CIMIP6: variants seen among roughly 807,000 people sequenced by gnomAD.
CIMIP6 encodes ciliary microtubule inner protein 6.
chr2:54,373,980 C>T, the CIMIP6 span, among the ~76,000 whole-genome samples: 4 of 152,254 alleles, frequency 2.6e-5, no homozygotes, highest in Non-Finnish European at 4.4e-5. Context: ...TAAGTCTCCA[C>T]ATCAAGTCCC....
At chr2:54,377,111 G>C in the CIMIP6 span, among the ~76,000 whole-genome samples, 1 of 152,168 alleles carries the variant, frequency 6.6e-6, no homozygotes, top group Admixed American at 6.6e-5. Flanking sequence ...CTTGTGGACT[G>C]TTTATTCCCT....
At chr2:54,337,695 G>C in the CIMIP6 span, among the ~76,000 whole-genome samples, 1 of 152,162 alleles carries the variant, frequency 6.6e-6, no homozygotes, top group Non-Finnish European at 1.5e-5. Context: ...AATGAACAAA[G>C]GTGTTAAGAG....
At chr2:54,338,078 A>G in the CIMIP6 span, among the ~76,000 whole-genome samples, 2 of 152,018 alleles carry the variant, frequency 1.3e-5, no homozygotes, top group East Asian at 1.9e-4. Flanking sequence ...TCAAGGCTGC[A>G]GTGAGCTATG....
the CIMIP6 span, chr2:54,343,714 A>C: frequency 1.3e-6 from 2 of 1,576,556 alleles, no homozygotes; most frequent in Admixed American, 1.9e-5. Flanking sequence ...ATTATTTTCT[A>C]TAAAGGGTGA....
At chr2:54,353,686 G>T in the CIMIP6 span, among the ~76,000 whole-genome samples, 1 of 152,088 alleles carries the variant, frequency 6.6e-6, no homozygotes. Flanking sequence ...TGATTTTGAT[G>T]ACTTTTGCCA....
chr2:54,366,053 A>C, the CIMIP6 span, among the ~76,000 whole-genome samples: 1 of 152,196 alleles, frequency 6.6e-6, no homozygotes, highest in Admixed American at 6.5e-5. Context: ...GTTTCCCAAT[A>C]GCCAGTCATT....
At chr2:54,343,678 C>T in the CIMIP6 span, 1 of 1,473,078 alleles carries the variant, frequency 6.8e-7, no homozygotes, top group East Asian at 2.3e-5. Flanking sequence ...TGAAAATGCC[C>T]TACAGTATCC....
the CIMIP6 span, among the ~76,000 whole-genome samples, chr2:54,370,383 T>C: frequency 6.6e-6 from 1 of 152,132 alleles, no homozygotes; most frequent in African/African-American, 2.4e-5. Flanking sequence ...TATAAAATGT[T>C]ACTCATAAAA....
chr2:54,369,062 T>C, the CIMIP6 span, among the ~76,000 whole-genome samples: 1 of 152,118 alleles, frequency 6.6e-6, no homozygotes, highest in African/African-American at 2.4e-5. Context: ...ACTGCATGCA[T>C]CGTATGCACA....
the CIMIP6 span, among the ~76,000 whole-genome samples, chr2:54,380,697 T>C: frequency 6.6e-6 from 1 of 152,186 alleles, no homozygotes; most frequent in African/African-American, 2.4e-5. Context: ...CCTCCACACC[T>C]AGTTCCCACA....
the CIMIP6 span, among the ~76,000 whole-genome samples, chr2:54,357,258 ATTAG>A: frequency 6.6e-6 from 1 of 152,240 alleles, no homozygotes; most frequent in Admixed American, 6.5e-5. Flanking sequence ...TGCTAATAAA[ATTAG>A]TTTATAACAA....
the CIMIP6 span, among the ~76,000 whole-genome samples, chr2:54,339,057 G>A: frequency 1.8e-4 from 13 of 72,904 alleles, 2 homozygotes; most frequent in East Asian, 3.1e-3. Context: ...TTGGGAGGCT[G>A]AGGCAGGAGA....
the CIMIP6 span, among the ~76,000 whole-genome samples, chr2:54,351,661 A>G: frequency 6.6e-6 from 1 of 152,196 alleles, no homozygotes; most frequent in Admixed American, 6.6e-5. Context: ...AAAAATAACT[A>G]ATGGGTACTA....
At chr2:54,359,070 G>C in the CIMIP6 span, 1 of 1,443,452 alleles carries the variant, frequency 6.9e-7, no homozygotes, top group Non-Finnish European at 9.5e-7. Context: ...CCTCTCCAGG[G>C]AAAGGTGAGG....
chr2:54,381,875 G>A, the CIMIP6 span: 4 of 1,548,916 alleles, frequency 2.6e-6, no homozygotes, highest in East Asian at 4.9e-5. Flanking sequence ...AGCCAAGACT[G>A]TAACAGTGGT....
At chr2:54,372,014 C>T in the CIMIP6 span, among the ~76,000 whole-genome samples, 1 of 152,192 alleles carries the variant, frequency 6.6e-6, no homozygotes, top group African/African-American at 2.4e-5. Context: ...GGTGCTCTGA[C>T]AACAATAGCT....
At chr2:54,338,260 C>T in the CIMIP6 span, among the ~76,000 whole-genome samples, 4 of 151,966 alleles carry the variant, frequency 2.6e-5, no homozygotes, top group Non-Finnish European at 4.4e-5. Context: ...ATAGTGAGAC[C>T]GAGCGCTACA....
At chr2:54,348,796 T>C in the CIMIP6 span, among the ~76,000 whole-genome samples, 1 of 152,208 alleles carries the variant, frequency 6.6e-6, no homozygotes, top group East Asian at 1.9e-4. Flanking sequence ...AGTCATCTCA[T>C]AGTCATTCTG....
the CIMIP6 span, among the ~76,000 whole-genome samples, chr2:54,379,384 G>C: frequency 6.6e-6 from 1 of 152,134 alleles, no homozygotes; most frequent in Non-Finnish European, 1.5e-5. Flanking sequence ...CATAATGTGT[G>C]GTTATTAGAT....
Sources: allele counts gnomAD v4.1 joint callset (sites outside exome capture counted in the v4.1 genomes callset), GRCh38; gene constraint gnomAD v4.1.1; transcripts MANE v1.5; gene names NCBI Gene and HGNC (gene_info 2026-07-23, HGNC 2026-07-21).